Variants in COPS4 observed in about 807,000 individuals in gnomAD.
COPS4 encodes the protein COP9 signalosome complex subunit 4.
In COPS4, 8 loss-of-function variants were observed where a neutral mutation model predicts 55.1. The observed-to-expected ratio is 0.15, with a 90% confidence interval of 0.09 to 0.26. The LOEUF is 0.26. Among genes scored for constraint, COPS4 ranks in the 10% least tolerant of loss-of-function variants. COPS4 has a pLI of 1.00. For synonymous variants in COPS4, 185 were observed against 165.7 expected (o/e 1.12, Z -0.90); for missense variants, 248 against 484.0 (o/e 0.51, Z 4.58).
rs1176960429 is a variant in COPS4 at position 83,065,404 on chromosome 4, A to T, written c.887-1034A>T. On this transcript the variant is annotated intron_variant, in intron 7 of 9. Transcript: ENST00000264389. Reference sequence around the variant, plus strand: ...GAAGGAAAAGAAGGAGGAAGCAGCAAGGTAGACTGGGAGATAGGAGTTAAG... The same window carrying T: ...GAAGGAAAAGAAGGAGGAAGCAGCATGGTAGACTGGGAGATAGGAGTTAAG... Among the ~76,000 whole-genome samples the T allele has an allele frequency of 2.0e-5, 3 of 152,222 alleles. 1 individual carries two copies. Among genetic ancestry groups the T allele is most frequent in the Admixed American group, 2.0e-4 (3 of 15,278 alleles).
In COPS4 at chr4:83,036,254, T is replaced by A. The variant is rs1375317839; in HGVS notation, c.74+956T>A. Among the ~76,000 whole-genome samples the A allele has an allele frequency of 5.8e-5, 3 of 51,496 alleles. No homozygotes were observed. The Admixed American group carries it at 6.6e-4, about 11-fold the overall frequency. 33.8% of individuals were successfully genotyped at this position (51,496 alleles called of 152,430 possible). On this transcript the variant is annotated intron_variant, in intron 1 of 9. Transcript: ENST00000264389. ...TTCTAGACCAGCCTGGGCAACATAGTGAGACCCCCCCCCCCGCCGCCACCC... is the reference window on the plus strand; with the variant it reads ...TTCTAGACCAGCCTGGGCAACATAGAGAGACCCCCCCCCCCGCCGCCACCC...
chr4:83,057,947 T>C (rs1470297269), intron 6 of COPS4, among the ~76,000 whole-genome samples: 1 of 149,660 alleles, frequency 6.7e-6, no homozygotes, highest in Non-Finnish European at 1.5e-5. Context: ...AAAGAATAGT[T>C]AAAAGAGATA....
chr4:83,048,697 G>C (rs6850979), intron 2 of COPS4, among the ~76,000 whole-genome samples: 1 of 151,902 alleles, frequency 6.6e-6, no homozygotes, highest in African/African-American at 2.4e-5. Flanking sequence ...GCTGGAGTAC[G>C]GTGCTGTGAT....
intron 6 of COPS4, among the ~76,000 whole-genome samples, chr4:83,059,200 T>C (rs900026825): frequency 2.0e-5 from 3 of 152,288 alleles, no homozygotes; most frequent in Middle Eastern, 3.4e-3. Flanking sequence ...TCCTAACTTG[T>C]CATCTTTTTG....
chr4:83,065,081 C>T, intron 7 of COPS4: 1 of 687,300 alleles, frequency 1.5e-6, no homozygotes, highest in Non-Finnish European at 2.6e-6. Flanking sequence ...CTCCATTTTG[C>T]CCAGGCTGGT....
chr4:83,049,937 A>G lies in COPS4; in HGVS notation c.363A>G (p.Arg121=), dbSNP rs891594580. The G allele has an allele frequency of 1.2e-6, 2 of 1,611,952 alleles. No homozygotes were observed. The highest frequency in any genetic ancestry group is 8.5e-7 in the Non-Finnish European group (1 of 1,179,224). ...ASIYEKEEDW[R]NAAQVLVGIP... is the part of the protein sequence containing the mutation. ...TATATGAGAAAGAAGAAGATTGGAG[A>G]AATGCAGCCCAAGTGTTGGTGGGAA... The change falls in exon 4 of 10, where the codon AGA becomes AGG. Residue 121 remains arginine (R), a synonymous_variant. Coordinates refer to ENST00000264389, the MANE Select transcript of COPS4 (RefSeq NM_016129.3).
In COPS4 at chr4:83,075,291, C is replaced by A. The variant is rs752029079; in HGVS notation, c.1088-6C>A. Reference sequence around the variant, plus strand: ...TTTTAATTTTGTACATTTTTTTTCCCCTTAGCACGAGAAGCCCTGCCAACG... The same window carrying A: ...TTTTAATTTTGTACATTTTTTTTCCACTTAGCACGAGAAGCCCTGCCAACG... On this transcript the variant is annotated splice_region_variant and splice_polypyrimidine_tract_variant and intron_variant, in intron 9 of 9. Transcript: ENST00000264389. 1 of 1,609,738 alleles carries A rather than the reference C, an allele frequency of 6.2e-7. No homozygotes were observed. The highest frequency in any genetic ancestry group is 1.7e-4 in the Middle Eastern group (1 of 6,030).
At chr4:83,056,459 A>G (rs1319772977) in intron 4 of COPS4, among the ~76,000 whole-genome samples, 1 of 152,188 alleles carries the variant, frequency 6.6e-6, no homozygotes, top group African/African-American at 2.4e-5. Flanking sequence ...ATTAATGATA[A>G]TAAAAATTCA....
chr4:83,045,068 G>A (rs1230978101), intron 1 of COPS4, among the ~76,000 whole-genome samples: 3 of 152,176 alleles, frequency 2.0e-5, no homozygotes, highest in South Asian at 2.1e-4. Flanking sequence ...TTGGCTTGGC[G>A]AAGTTTATTT....
intron 9 of COPS4, among the ~76,000 whole-genome samples, chr4:83,071,717 CTTT>C (rs561071392): frequency 6.9e-6 from 1 of 144,514 alleles, no homozygotes; most frequent in African/African-American, 2.5e-5. Flanking sequence ...TTGTGCCTGG[CTTT>C]TTTTTTTTTG....
intron 4 of COPS4, among the ~76,000 whole-genome samples, chr4:83,050,339 C>A (rs1208248062): frequency 6.6e-6 from 1 of 151,930 alleles, no homozygotes; most frequent in Non-Finnish European, 1.5e-5. Flanking sequence ...GCTCTGTTGC[C>A]CAGGCTGGAG....
intron 9 of COPS4, among the ~76,000 whole-genome samples, chr4:83,070,376 A>C (rs13129469): frequency 0.67 from 101,974 of 152,124 alleles, 40,860 homozygotes; most frequent in Non-Finnish European, 0.87. Context: ...CTAGTTTACT[A>C]CTAAGGTGTT....
intron 1 of COPS4, among the ~76,000 whole-genome samples, chr4:83,039,728 C>T (rs960629885): frequency 6.6e-6 from 1 of 152,152 alleles, no homozygotes; most frequent in African/African-American, 2.4e-5. Context: ...ACATGCTTGG[C>T]TCAAGCAATC....
At chr4:83,055,919 T>C (rs1036430684) in intron 4 of COPS4, among the ~76,000 whole-genome samples, 1 of 128,348 alleles carries the variant, frequency 7.8e-6, no homozygotes, top group Non-Finnish European at 1.5e-5. Context: ...TTTCTTTTCT[T>C]TTTTTTCTTT....
At chr4:83,036,944 A>G (rs556772198) in intron 1 of COPS4, among the ~76,000 whole-genome samples, 19 of 152,354 alleles carry the variant, frequency 1.2e-4, no homozygotes, top group Non-Finnish European at 2.6e-4. Context: ...GAGATAAACA[A>G]TAGTACTTAA....
chr4:83,068,193 G>C (rs750639321), intron 8 of COPS4, among the ~76,000 whole-genome samples: 8 of 152,144 alleles, frequency 5.3e-5, no homozygotes, highest in Non-Finnish European at 1.0e-4. Context: ...AGGAGAAAAT[G>C]ATAGTTATAT....
intron 2 of COPS4, 114 bp from the exon 3 acceptor site, chr4:83,049,052 T>C: frequency 1.1e-6 from 1 of 938,212 alleles, no homozygotes; most frequent in Non-Finnish European, 1.6e-6. Flanking sequence ...GAATAATGCA[T>C]TGAAGGCTGT....
rs1578708067 is a variant in COPS4 at position 83,049,075 on chromosome 4, T to G, written c.155-91T>G. The G allele has an allele frequency of 2.4e-5, 29 of 1,184,914 alleles. No homozygotes were observed. The East Asian group carries it at 6.9e-4, about 28-fold the overall frequency. The allele number at this position is 1,184,914 out of a possible 1,614,324, so 73.4% of individuals were successfully genotyped here. On this transcript the variant is annotated intron_variant, in intron 2 of 9. Coordinates refer to ENST00000264389, the MANE Select transcript of COPS4 (RefSeq NM_016129.3). ...CATTGAAGGCTGTACTAATATAGAT[T>G]GTTGTTAGTATTAATTTTAAGTAAA...
At chr4:83,036,465 T>C (rs4693547) in intron 1 of COPS4, among the ~76,000 whole-genome samples, 63,723 of 152,136 alleles carry the variant, frequency 0.42, 16,731 homozygotes, top group Admixed American at 0.58. Context: ...TAATCTACTT[T>C]TATCAGTGGG....
Sources: allele counts gnomAD v4.1 joint callset (sites outside exome capture counted in the v4.1 genomes callset), GRCh38; gene constraint gnomAD v4.1.1; transcripts MANE v1.5; gene names NCBI Gene and HGNC (gene_info 2026-07-23, HGNC 2026-07-21).